Variants in GALNT18 observed in about 807,000 individuals in gnomAD.
The protein encoded by GALNT18 is GalNAc-transferase 18.
GALNT18 carries 44 observed loss-of-function variants against 69.5 expected under a neutral mutation model. The ratio of observed to expected loss-of-function variants is 0.63; its 90% CI spans 0.50 to 0.81. GALNT18 has a LOEUF of 0.81. Ranked by LOEUF, GALNT18 falls within the 40% of genes least tolerant of loss-of-function variation. The probability of loss-of-function intolerance (pLI) is 0.00; values close to 1 mark genes in which losing one functional copy is unlikely to be tolerated. For missense variants in GALNT18, 715 were observed against 810.0 expected (o/e 0.88, Z 1.42); for synonymous variants, 364 against 318.2 (o/e 1.14, Z -1.53).
At chr11:11,481,774 T>C (rs1856536472) in intron 1 of GALNT18, among the ~76,000 whole-genome samples, 1 of 152,164 alleles carries the variant, frequency 6.6e-6, no homozygotes, top group Admixed American at 6.5e-5. Flanking sequence ...CAGCACCTGC[T>C]GCACCTCTGA....
Position 11,606,350 on chromosome 11 carries a change from G to A in GALNT18, c.235+15009C>T, listed in dbSNP as rs1230931180. On this transcript the variant is annotated intron_variant, in intron 1 of 10. Transcript: ENST00000227756. This position sits in a 1 kb window ranked among gnomAD's most constrained non-coding sequence, Gnocchi z 5.4. ...CAGACTAATAATTACAGGACAGTAT[G>A]ATTTTCTCATCTGTAAAATGGGGCT... is the stretch of plus-strand genomic sequence containing the variant. Among the ~76,000 whole-genome samples, 8 of 152,280 alleles carry A rather than the reference G, an allele frequency of 5.3e-5. No individual in the cohort carries two copies. In the East Asian group the frequency reaches 1.5e-3, roughly 29 times the overall value.
chr11:11,301,566 G>C (rs532937479), intron 9 of GALNT18, among the ~76,000 whole-genome samples: 1 of 152,200 alleles, frequency 6.6e-6, no homozygotes, highest in Non-Finnish European at 1.5e-5. Context: ...TTAGTGTGAC[G>C]ACATACATGT....
At chr11:11,352,318 G>A (rs755200441) in intron 6 of GALNT18, 21 of 1,613,920 alleles carry the variant, frequency 1.3e-5, no homozygotes, top group African/African-American at 4.0e-5. Flanking sequence ...TCATTGAAAC[G>A]TGGATCTAAT....
intron 7 of GALNT18, among the ~76,000 whole-genome samples, chr11:11,334,300 T>C (rs184960657): frequency 1.0e-3 from 158 of 152,268 alleles, no homozygotes; most frequent in East Asian, 0.01. Flanking sequence ...CCCAGCACTT[T>C]GGGAGGCCAA....
chr11:11,433,625 C>G (rs1177787926), intron 2 of GALNT18, among the ~76,000 whole-genome samples: 1 of 152,190 alleles, frequency 6.6e-6, no homozygotes, highest in Non-Finnish European at 1.5e-5. Context: ...TTGAGGTATT[C>G]CCCACATGAA....
At chr11:11,558,689 C>G (rs538881532) in intron 1 of GALNT18, among the ~76,000 whole-genome samples, 1 of 152,384 alleles carries the variant, frequency 6.6e-6, no homozygotes, top group South Asian at 2.1e-4. Flanking sequence ...TCTTCTGACG[C>G]ACTGCTGGAT....
chr11:11,557,941 T>C (rs1054370166), intron 1 of GALNT18, among the ~76,000 whole-genome samples: 9 of 152,190 alleles, frequency 5.9e-5, no homozygotes, highest in African/African-American at 1.9e-4. Flanking sequence ...GAAGAACGAA[T>C]TCAGCTGCGA....
intron 1 of GALNT18, among the ~76,000 whole-genome samples, chr11:11,458,451 T>C (rs1348477257): frequency 6.6e-6 from 1 of 152,210 alleles, no homozygotes; most frequent in East Asian, 1.9e-4. Flanking sequence ...CATGCTTTAT[T>C]TTGGGTTAAA....
At chr11:11,506,693 G>A (rs1380667021) in intron 1 of GALNT18, among the ~76,000 whole-genome samples, 1 of 152,190 alleles carries the variant, frequency 6.6e-6, no homozygotes, top group East Asian at 1.9e-4. Context: ...GAAAAGTGAA[G>A]GCATGTGAAA....
At position 11,339,716 on chromosome 11, in the gene GALNT18, A is replaced by C. The variant is rs1850170734; in HGVS notation, c.1278+1103T>G. Among the ~76,000 whole-genome samples, 1 of 152,132 alleles carries C rather than the reference A, an allele frequency of 6.6e-6. No homozygotes were observed. The highest frequency in any genetic ancestry group is 2.1e-4 in the South Asian group (1 of 4,828). Reference sequence around the variant, plus strand: ...TTCTCCGCTCCTCATTCTTGCTCCCAACTGCTGAAACCTCACTGATTGTGG... The same window carrying C: ...TTCTCCGCTCCTCATTCTTGCTCCCCACTGCTGAAACCTCACTGATTGTGG... On this transcript the variant is annotated intron_variant, in intron 7 of 10. Coordinates refer to ENST00000227756, the MANE Select transcript of GALNT18 (RefSeq NM_198516.3). This position sits in a 1 kb window ranked among gnomAD's most constrained non-coding sequence, Gnocchi z 5.2.
intron 1 of GALNT18, among the ~76,000 whole-genome samples, chr11:11,530,527 G>C (rs2133941375): frequency 6.6e-6 from 1 of 152,248 alleles, no homozygotes; most frequent in African/African-American, 2.4e-5. Flanking sequence ...TAACCCTTCT[G>C]GAAGTCCATC....
In GALNT18 at chr11:11,430,279, CAAG is replaced by C. The variant is rs780353541; in HGVS notation, c.595+2339_595+2341del. 6.6e-6 allele frequency among the ~76,000 whole-genome samples: 1 copy of C among 152,154 alleles called. No homozygotes were observed. Among genetic ancestry groups the C allele is most frequent in the Non-Finnish European group, 1.5e-5 (1 of 68,028 alleles). ...GTAATTATAGATTCACAAAAGTGTA[CAAG>C]AAGGTTTCATATGCCCCTCACCCAG... On this transcript the variant is annotated intron_variant, in intron 3 of 10. Coordinates refer to ENST00000227756, the MANE Select transcript of GALNT18 (RefSeq NM_198516.3). This position sits in a 1 kb window ranked among gnomAD's most constrained non-coding sequence, Gnocchi z 4.9.
intron 1 of GALNT18, among the ~76,000 whole-genome samples, chr11:11,490,269 A>ACC (rs1334317724): frequency 7.4e-6 from 1 of 134,294 alleles, no homozygotes; most frequent in Non-Finnish European, 1.6e-5. Flanking sequence ...ACACACACAC[A>ACC]CTCCTTCCAC....
intron 1 of GALNT18, among the ~76,000 whole-genome samples, chr11:11,453,956 T>A (rs1855867349): frequency 6.6e-6 from 1 of 152,240 alleles, no homozygotes; most frequent in South Asian, 2.1e-4. Flanking sequence ...AACGTGGCTC[T>A]GTGAGGTCAG....
At chr11:11,425,926 G>A (rs762408533) in intron 3 of GALNT18, among the ~76,000 whole-genome samples, 1 of 152,266 alleles carries the variant, frequency 6.6e-6, no homozygotes. Context: ...GAAGTCTGTA[G>A]AGGTTGAATC....
chr11:11,310,266 C>G (rs1180539813), intron 9 of GALNT18, among the ~76,000 whole-genome samples: 1 of 152,194 alleles, frequency 6.6e-6, no homozygotes, highest in Non-Finnish European at 1.5e-5. Flanking sequence ...CCAAGAAGCC[C>G]CCAGAGGGTG....
chr11:11,277,360 CT>C (rs1255026930), intron 10 of GALNT18, among the ~76,000 whole-genome samples: 1 of 152,068 alleles, frequency 6.6e-6, no homozygotes. Flanking sequence ...GTAATATCCC[CT>C]TTATCATTTT....
At chr11:11,394,163 G>A (rs1854265632) in intron 3 of GALNT18, among the ~76,000 whole-genome samples, 1 of 152,178 alleles carries the variant, frequency 6.6e-6, no homozygotes, top group Admixed American at 6.5e-5. Flanking sequence ...CCTCTGCAGG[G>A]GATTCAGGGC....
intron 2 of GALNT18, among the ~76,000 whole-genome samples, chr11:11,434,897 C>T (rs970699092): frequency 6.6e-6 from 1 of 152,178 alleles, no homozygotes; most frequent in African/African-American, 2.4e-5. Flanking sequence ...AGTCCTCTAG[C>T]TAGTATTTAT....
Sources: gnomAD v4.1 joint callset for allele counts (sites outside exome capture counted in the v4.1 genomes callset) on GRCh38, gnomAD v4.1.1 for gene constraint, Gnocchi (gnomAD v3.1) non-coding constraint, MANE v1.5 for transcripts, NCBI Gene and HGNC (gene_info 2026-07-23, HGNC 2026-07-21) for gene names.